Variants in MAP2K6 observed in about 807,000 individuals in gnomAD.
MAP2K6 encodes the protein mitogen-activated protein kinase kinase 6, also known as dual specificity mitogen-activated protein kinase kinase 6.
Under a neutral mutation model 53.7 loss-of-function variants are expected in MAP2K6, and 16 were observed. That is an observed-to-expected ratio of 0.30 (90% CI 0.20 to 0.45). The LOEUF (loss-of-function observed/expected upper bound fraction) is 0.45. Ranked by LOEUF, MAP2K6 falls within the 20% of genes least tolerant of loss-of-function variation. The pLI is 1.00. For missense variants in MAP2K6, 204 were observed against 411.9 expected (o/e 0.50, Z 4.37); for synonymous variants, 132 against 143.1 (o/e 0.92, Z 0.55).
At chr17:69,491,225 C>A (rs1908740912) in intron 1 of MAP2K6, among the ~76,000 whole-genome samples, 1 of 152,116 alleles carries the variant, frequency 6.6e-6, no homozygotes, top group African/African-American at 2.4e-5. Context: ...CTCACTGCAA[C>A]CTCTGTCTCC....
chr17:69,480,301 G>A (rs1372798024), intron 1 of MAP2K6, among the ~76,000 whole-genome samples: 1 of 152,006 alleles, frequency 6.6e-6, no homozygotes, highest in Admixed American at 6.6e-5. Context: ...CTACTTCTAC[G>A]TCCCTCCTTT....
intron 2 of MAP2K6, among the ~76,000 whole-genome samples, chr17:69,514,541 CT>C: frequency 6.6e-6 from 1 of 151,984 alleles, no homozygotes; most frequent in East Asian, 1.9e-4. Context: ...ATGTTTATAT[CT>C]GTATTTGTAT....
Position 69,536,297 on chromosome 17 carries a change from A to G in MAP2K6, c.927+137A>G, listed in dbSNP as rs1049726873. The stretch of plus-strand genomic sequence containing the variant: ...ACATCAGTGACAGGAATTGAACTCC[A>G]GGAAAGAGAGTTAAAGAGTTCATCC... On this transcript the variant is annotated intron_variant, in intron 11 of 11. Transcript: ENST00000590474. 1.2e-5 allele frequency: 8 copies of G among 687,680 alleles called. 1 individual carries two copies. The East Asian group carries it at 2.1e-4, about 18-fold the overall frequency. The allele number at this position is 687,680 out of a possible 1,614,324, so 42.6% of individuals were successfully genotyped here. A position where few individuals can be genotyped will look rare whatever the true frequency, so the allele number is the denominator to read the frequency against.
chr17:69,467,127 A>G (rs1907840972), intron 1 of MAP2K6, among the ~76,000 whole-genome samples: 1 of 152,178 alleles, frequency 6.6e-6, no homozygotes, highest in Non-Finnish European at 1.5e-5. Flanking sequence ...GCTTTACTTG[A>G]AGCTGAGTTT....
intron 1 of MAP2K6, chr17:69,435,140 A>G (rs952916043): frequency 6.6e-6 from 1 of 152,232 alleles, no homozygotes; most frequent in African/African-American, 2.4e-5. Context: ...ATTTATATAT[A>G]AAACTGACCC....
chr17:69,465,640 A>T (rs1907772163), intron 1 of MAP2K6, among the ~76,000 whole-genome samples: 2 of 150,676 alleles, frequency 1.3e-5, no homozygotes, highest in African/African-American at 2.4e-5. Context: ...TTTTTTTGAA[A>T]CAAAGTTTCG....
intron 10 of MAP2K6, 135 bp downstream of exon 10, chr17:69,526,844 A>G: frequency 8.4e-6 from 9 of 1,077,072 alleles, no homozygotes; most frequent in Non-Finnish European, 1.2e-5. Flanking sequence ...TCTCTGCTGG[A>G]GAAGCAAAGA....
intron 1 of MAP2K6, among the ~76,000 whole-genome samples, chr17:69,476,867 A>G (rs1908168347): frequency 6.6e-6 from 1 of 152,188 alleles, no homozygotes; most frequent in Non-Finnish European, 1.5e-5. Flanking sequence ...GAGAAAGCCC[A>G]CAATACCGAG....
intron 3 of MAP2K6, among the ~76,000 whole-genome samples, chr17:69,517,184 T>C (rs916826289): frequency 4.6e-5 from 7 of 151,438 alleles, no homozygotes; most frequent in Admixed American, 1.3e-4. Context: ...CAGTCAATAG[T>C]GGGTTACAGA....
chr17:69,466,443 A>T (rs1369219598), intron 1 of MAP2K6, among the ~76,000 whole-genome samples: 1 of 152,170 alleles, frequency 6.6e-6, no homozygotes, highest in Non-Finnish European at 1.5e-5. Flanking sequence ...CTGTATTTTT[A>T]CTTTTACTAT....
rs749335459 is a variant in MAP2K6, at chr17:69,525,017, G to T, written c.741+39G>T. 2.4e-5 allele frequency: 37 copies of T among 1,549,916 alleles called. 1 individual carries two copies. The highest frequency in any genetic ancestry group is 3.2e-5 in the Non-Finnish European group (36 of 1,123,012). On this transcript the variant is annotated intron_variant, in intron 9 of 11. Transcript: ENST00000590474. ...ATCATCATGAACTATGAGGTTGTGGGTAATGAAACTAGAATGAGGTGGACG... is the reference window on the plus strand; with the variant it reads ...ATCATCATGAACTATGAGGTTGTGGTTAATGAAACTAGAATGAGGTGGACG...
chr17:69,506,742 T>A (rs1452796214), intron 2 of MAP2K6, among the ~76,000 whole-genome samples: 1 of 152,216 alleles, frequency 6.6e-6, no homozygotes, highest in Non-Finnish European at 1.5e-5. Context: ...AAGACTTTGT[T>A]AAAGCCACTG....
intron 1 of MAP2K6, among the ~76,000 whole-genome samples, chr17:69,439,349 T>C (rs943396872): frequency 6.6e-6 from 1 of 152,240 alleles, no homozygotes; most frequent in African/African-American, 2.4e-5. Context: ...ATATGCTGAC[T>C]TCCCATCTCT....
intron 2 of MAP2K6, among the ~76,000 whole-genome samples, chr17:69,511,153 TA>T (rs1443904187): frequency 6.6e-6 from 1 of 152,212 alleles, no homozygotes; most frequent in African/African-American, 2.4e-5. Context: ...AAAAGCAGTT[TA>T]TATTTTCCCT....
intron 1 of MAP2K6, among the ~76,000 whole-genome samples, chr17:69,454,835 GGGTATAATAATATTTTGCA>G (rs1160763109): frequency 6.6e-6 from 1 of 152,140 alleles, no homozygotes; most frequent in East Asian, 1.9e-4. Flanking sequence ...ATATAGATAT[GGGTATAATAATATTTTGCA>G]GGTAGGAACA....
At chr17:69,515,971 G>A (rs1182772201) in intron 2 of MAP2K6, among the ~76,000 whole-genome samples, 2 of 152,278 alleles carry the variant, frequency 1.3e-5, no homozygotes, top group Non-Finnish European at 2.9e-5. Flanking sequence ...GAAAGAAAAA[G>A]CTTGAGACTT....
intron 7 of MAP2K6, 149 bp from the exon 8 acceptor site, chr17:69,523,365 G>C (rs1304286797): frequency 2.4e-6 from 2 of 843,666 alleles, no homozygotes; most frequent in Non-Finnish European, 3.9e-6. Flanking sequence ...GTTGTTAACT[G>C]TGGGTCAGGG....
chr17:69,478,338 C>G (rs573583318), intron 1 of MAP2K6, among the ~76,000 whole-genome samples: 4 of 152,292 alleles, frequency 2.6e-5, no homozygotes, highest in African/African-American at 7.2e-5. Context: ...CTTGTAGCCT[C>G]TGGGGATATC....
chr17:69,449,586 T>C (rs1206711533), intron 1 of MAP2K6, among the ~76,000 whole-genome samples: 3 of 145,260 alleles, frequency 2.1e-5, no homozygotes, highest in African/African-American at 7.6e-5. Context: ...TCTTTCTTTC[T>C]TTCTTTTTCT....
Sources: allele counts gnomAD v4.1 joint callset (sites outside exome capture counted in the v4.1 genomes callset), GRCh38; gene constraint gnomAD v4.1.1; transcripts MANE v1.5; gene names NCBI Gene and HGNC (gene_info 2026-07-23, HGNC 2026-07-21).